CAST: variants seen among roughly 807,000 people sequenced by gnomAD.
CAST encodes the protein calpastatin.
Under a neutral mutation model 119.6 loss-of-function variants are expected in CAST, and 76 were observed. That is an observed-to-expected ratio of 0.64 (90% confidence interval 0.53 to 0.77). The LOEUF is 0.77. CAST is among the 30% of genes least tolerant of loss of function. CAST has a pLI of 0.00. For missense variants in CAST, 953 were observed against 946.5 expected (o/e 1.01, Z -0.09); for synonymous variants, 319 against 331.6 (o/e 0.96, Z 0.41).
At chr5:96,687,972 C>T (rs1431284146) in intron 2 of CAST, among the ~76,000 whole-genome samples, 1 of 152,132 alleles carries the variant, frequency 6.6e-6, no homozygotes, top group Non-Finnish European at 1.5e-5. Flanking sequence ...TTACTACCAG[C>T]GCCAATAAGA....
the CAST span, among the ~76,000 whole-genome samples, chr5:96,400,774 G>A: frequency 6.6e-6 from 1 of 152,198 alleles, no homozygotes. Flanking sequence ...ATTCAAGGAT[G>A]TGGTTCTTGT....
At chr5:96,604,970 G>A (rs551790033) in intron 1 of CAST, among the ~76,000 whole-genome samples, 13 of 152,306 alleles carry the variant, frequency 8.5e-5, no homozygotes, top group African/African-American at 2.9e-4. Context: ...GGTGTCTGTA[G>A]AGGCGGAGGA....
At chr5:95,977,685 G>A in the CAST span, among the ~76,000 whole-genome samples, 1 of 151,870 alleles carries the variant, frequency 6.6e-6, no homozygotes, top group African/African-American at 2.4e-5. Flanking sequence ...GGGTACATGT[G>A]CAGGTTTGTT....
chr5:96,399,956 G>A, the CAST span: 1 of 1,609,672 alleles, frequency 6.2e-7, no homozygotes, highest in Non-Finnish European at 8.5e-7. Context: ...TACTTACCTG[G>A]GCTCAAAGTC....
At chr5:96,569,082 T>A (rs143822918) in intron 1 of CAST, among the ~76,000 whole-genome samples, 2,125 of 152,228 alleles carry the variant, frequency 0.014, 25 homozygotes, top group Middle Eastern at 0.075. Context: ...CATTTTAGGA[T>A]CATGAGTGGA....
At chr5:96,322,077 T>C in the CAST span, among the ~76,000 whole-genome samples, 1 of 152,214 alleles carries the variant, frequency 6.6e-6, no homozygotes, top group African/African-American at 2.4e-5. Context: ...CCTTGGGGCC[T>C]GAAAGAATGG....
At chr5:96,198,901 C>G in the CAST span, among the ~76,000 whole-genome samples, 4 of 152,120 alleles carry the variant, frequency 2.6e-5, no homozygotes, top group East Asian at 5.8e-4. Flanking sequence ...TGTGTGCTGT[C>G]ATGTCCATTT....
the CAST span, among the ~76,000 whole-genome samples, chr5:96,265,126 A>G: frequency 6.1e-4 from 93 of 152,118 alleles, 2 homozygotes; most frequent in Non-Finnish European, 1.3e-4. Context: ...ATTTGTACCA[A>G]GTTTCCTTTC....
At chr5:96,449,498 T>C in the CAST span, among the ~76,000 whole-genome samples, 1 of 152,210 alleles carries the variant, frequency 6.6e-6, no homozygotes, top group African/African-American at 2.4e-5. Context: ...TTGTCTTCCA[T>C]GAAATCAGTC....
At chr5:96,732,654 T>G (rs1186838565) in intron 9 of CAST, among the ~76,000 whole-genome samples, 1 of 152,192 alleles carries the variant, frequency 6.6e-6, no homozygotes, top group Non-Finnish European at 1.5e-5. Flanking sequence ...GTCTGATCTT[T>G]GACAAACCTG....
the CAST span, among the ~76,000 whole-genome samples, chr5:96,159,411 T>C: frequency 1.1e-3 from 169 of 152,302 alleles, no homozygotes; most frequent in African/African-American, 4.0e-3. Context: ...TTTTAAATTA[T>C]AAAAGTGACT....
chr5:96,251,375 G>C, the CAST span, among the ~76,000 whole-genome samples: 1 of 152,132 alleles, frequency 6.6e-6, no homozygotes, highest in Non-Finnish European at 1.5e-5. Flanking sequence ...AATTATTCAA[G>C]TGTAGTATAG....
chr5:96,766,708 A>G (rs1036915942), intron 27 of CAST, among the ~76,000 whole-genome samples: 4 of 152,198 alleles, frequency 2.6e-5, no homozygotes, highest in Admixed American at 1.3e-4. Flanking sequence ...TCGTAGGTCA[A>G]CCAGGCCTGT....
chr5:96,559,357 G>A (rs535613363), intron 1 of CAST, among the ~76,000 whole-genome samples: 4 of 152,160 alleles, frequency 2.6e-5, no homozygotes, highest in Non-Finnish European at 5.9e-5. Flanking sequence ...GTTCTGGCCA[G>A]GGCAATCAGG....
At chr5:96,118,847 T>C in the CAST span, among the ~76,000 whole-genome samples, 1 of 151,916 alleles carries the variant, frequency 6.6e-6, no homozygotes, top group Non-Finnish European at 1.5e-5. Context: ...GTCAGTTACT[T>C]CATTGCTTAA....
intron 2 of CAST, among the ~76,000 whole-genome samples, chr5:96,681,397 C>T (rs1333081747): frequency 2.6e-5 from 4 of 152,124 alleles, no homozygotes; most frequent in African/African-American, 9.7e-5. Context: ...TTTTTCTTGC[C>T]TTGGTGCAAG....
the CAST span, among the ~76,000 whole-genome samples, chr5:96,514,025 C>T: frequency 1.3e-5 from 2 of 152,172 alleles, no homozygotes; most frequent in African/African-American, 2.4e-5. Context: ...GTGTAGGTGT[C>T]AGTGCCTCTT....
the CAST span, among the ~76,000 whole-genome samples, chr5:96,447,757 T>TTG: frequency 6.6e-6 from 1 of 151,360 alleles, no homozygotes; most frequent in Non-Finnish European, 1.5e-5. Context: ...CATGTGGGAG[T>TTG]TGTGTGTGTG....
chr5:96,270,706 G>C, the CAST span, among the ~76,000 whole-genome samples: 1 of 152,024 alleles, frequency 6.6e-6, no homozygotes, highest in African/African-American at 2.4e-5. Context: ...GGGCCTATCC[G>C]AGGGGGTGAG....
Sources: gnomAD v4.1 joint callset for allele counts (sites outside exome capture counted in the v4.1 genomes callset) on GRCh38, gnomAD v4.1.1 for gene constraint, MANE v1.5 for transcripts, NCBI Gene and HGNC (gene_info 2026-07-23, HGNC 2026-07-21) for gene names.